PDZD2: variants seen among roughly 807,000 people sequenced by gnomAD.
PDZD2 encodes the protein PDZ domain-containing protein 2.
A neutral mutation model predicts 220.7 loss-of-function variants in PDZD2; 90 were observed. That is an observed-to-expected ratio of 0.41 (90% CI 0.34 to 0.49). The LOEUF (loss-of-function observed/expected upper bound fraction) is 0.49, where lower values mean the gene tolerates loss of function less well. PDZD2 is among the 20% of genes least tolerant of loss of function. The probability of loss-of-function intolerance (pLI) is 0.28; values close to 1 mark genes in which losing one functional copy is unlikely to be tolerated. For synonymous variants in PDZD2, 1,375 were observed against 1,450.5 expected (o/e 0.95, Z 1.18); for missense variants, 3,174 against 3,608.5 (o/e 0.88, Z 3.08).
At chr5:31,886,258 T>C (rs926211174) in intron 2 of PDZD2, among the ~76,000 whole-genome samples, 3 of 152,194 alleles carry the variant, frequency 2.0e-5, no homozygotes, top group African/African-American at 7.2e-5. Context: ...TCTTCCACAA[T>C]TAACAATGCA....
intron 1 of PDZD2, among the ~76,000 whole-genome samples, chr5:31,705,760 A>G (rs1222566061): frequency 6.6e-6 from 1 of 152,234 alleles, no homozygotes; most frequent in African/African-American, 2.4e-5. Flanking sequence ...TGTAAACTCT[A>G]TGAGAGGGGC....
chr5:31,648,266 C>A, intron 1 of PDZD2, among the ~76,000 whole-genome samples: 1 of 152,108 alleles, frequency 6.6e-6, no homozygotes, highest in Non-Finnish European at 1.5e-5. Flanking sequence ...GACTCATGTG[C>A]CCCACTGCCC....
intron 7 of PDZD2, among the ~76,000 whole-genome samples, chr5:32,043,806 T>C (rs1487457507): frequency 6.6e-6 from 1 of 152,008 alleles, no homozygotes; most frequent in Non-Finnish European, 1.5e-5. Flanking sequence ...TTTGTATTTT[T>C]AGTAGAGACG....
At chr5:31,847,667 T>C (rs988477870) in intron 2 of PDZD2, 3 of 611,490 alleles carry the variant, frequency 4.9e-6, no homozygotes, top group Non-Finnish European at 9.3e-6. Context: ...GTGGAAAGCA[T>C]TGATGGCCAG....
At chr5:31,903,162 T>C (rs896064863) in intron 2 of PDZD2, among the ~76,000 whole-genome samples, 1 of 151,716 alleles carries the variant, frequency 6.6e-6, no homozygotes, top group Admixed American at 6.6e-5. Context: ...GGCGTGGTAC[T>C]GCATGCCTGT....
At chr5:32,080,710 A>G (rs1235986555) in intron 19 of PDZD2, among the ~76,000 whole-genome samples, 2 of 152,202 alleles carry the variant, frequency 1.3e-5, no homozygotes, top group Admixed American at 6.5e-5. Context: ...AAAATGTAGT[A>G]CATATACACT....
chr5:32,022,899 C>T (rs1455461237), intron 6 of PDZD2, among the ~76,000 whole-genome samples: 1 of 152,040 alleles, frequency 6.6e-6, no homozygotes, highest in Non-Finnish European at 1.5e-5. Context: ...AGCAGCGTGG[C>T]AGAGGAGGAG....
chr5:31,747,641 T>C (rs1176449414), intron 1 of PDZD2: 1 of 152,360 alleles, frequency 6.6e-6, no homozygotes, highest in African/African-American at 2.4e-5. Flanking sequence ...TTGGGGGCTC[T>C]GGCCAGCTTC....
rs1244421640 is a variant in PDZD2, at chr5:32,089,487, C to T, written c.6039C>T (p.Cys2013=). 2 of 1,613,202 alleles carry T rather than the reference C, an allele frequency of 1.2e-6. No individual in the cohort carries two copies. Among genetic ancestry groups the T allele is most frequent in the Non-Finnish European group, 1.7e-6 (2 of 1,180,014 alleles). ...TCCTCTCTGAACCCGACAGAGGTTG[C>T]CCAACCACCCCTAAATCTCCTAAGT... ...MAVLSEPDRG[C]PTTPKSPKCR... is the part of the protein sequence containing the mutation. The change falls in exon 20 of 25, where the codon TGC becomes TGT. Residue 2013 remains cysteine (C), a synonymous_variant. Transcript: ENST00000438447.
chr5:31,662,081 T>C (rs1175625628), intron 1 of PDZD2, among the ~76,000 whole-genome samples: 1 of 151,798 alleles, frequency 6.6e-6, no homozygotes, highest in Non-Finnish European at 1.5e-5. Context: ...GAGTCTGAGG[T>C]GGGCAGATCA....
chr5:31,808,724 G>C (rs1754892351), intron 2 of PDZD2, among the ~76,000 whole-genome samples: 1 of 152,050 alleles, frequency 6.6e-6, no homozygotes, highest in African/African-American at 2.4e-5. Flanking sequence ...TGCCTGTAAT[G>C]CCAGCACTTG....
chr5:31,897,128 G>T (rs536542605), intron 2 of PDZD2, among the ~76,000 whole-genome samples: 2 of 151,820 alleles, frequency 1.3e-5, no homozygotes, highest in South Asian at 4.2e-4. Context: ...AAAAATAAAA[G>T]GTTAAACTAT....
chr5:32,083,331 C>T lies in PDZD2; in HGVS notation c.3683-3800C>T, dbSNP rs535375549. 2.6e-5 allele frequency: 4 copies of T among 152,300 alleles called. No individual in the cohort carries two copies. In the East Asian group the frequency reaches 7.7e-4, roughly 29 times the overall value. 9.4% of individuals were successfully genotyped at this position (152,300 alleles called of 1,614,324 possible). ...CTGCTCCTCAGCCCATGGGCCTGAC[C>T]TAGCAGGCTGTCCCTCGCACTGACC... On this transcript the variant is annotated intron_variant, in intron 19 of 24. Coordinates refer to ENST00000438447, the MANE Select transcript of PDZD2 (RefSeq NM_178140.4). This position sits in a 1 kb window ranked among gnomAD's most constrained non-coding sequence, Gnocchi z 4.1.
intron 2 of PDZD2, among the ~76,000 whole-genome samples, chr5:31,944,734 C>T (rs956525378): frequency 2.6e-5 from 4 of 152,022 alleles, no homozygotes; most frequent in South Asian, 2.1e-4. Flanking sequence ...GGGGTGGCAG[C>T]GTGTGCACGT....
intron 1 of PDZD2, among the ~76,000 whole-genome samples, chr5:31,764,644 ATGTCCACTTCATGC>A (rs1412739306): frequency 6.6e-6 from 1 of 152,182 alleles, no homozygotes; most frequent in African/African-American, 2.4e-5. Flanking sequence ...GTATTTTCCA[ATGTCCACTTCATGC>A]TGTCTCAGAC....
Position 31,658,171 on chromosome 5 carries a change from C to T in PDZD2, c.-361+18734C>T, listed in dbSNP as rs1007900374. ...ATCCACAGGCTGGCAGACAGGTGGA[C>T]GGACAGTCTTCAGGGCCCCAGTCAC... On this transcript the variant is annotated intron_variant, in intron 1 of 24. Transcript: ENST00000438447. Among the ~76,000 whole-genome samples the T allele has an allele frequency of 4.6e-5, 7 of 152,244 alleles. No individual in the cohort carries two copies. The South Asian group carries it at 8.3e-4, about 18-fold the overall frequency.
chr5:31,684,814 C>G (rs1038086556), intron 1 of PDZD2, among the ~76,000 whole-genome samples: 1 of 152,060 alleles, frequency 6.6e-6, no homozygotes, highest in African/African-American at 2.4e-5. Flanking sequence ...GAATGCTTTT[C>G]CCTTGTCCTA....
In PDZD2 at chr5:31,802,100, G is replaced by T. The variant is rs145357335; in HGVS notation, c.476+2376G>T. Among the ~76,000 whole-genome samples the T allele has an allele frequency of 8.5e-3, 1,289 of 152,264 alleles. 18 individuals are homozygous for T. Among genetic ancestry groups the T allele is most frequent in the African/African-American group, 0.029 (1,220 of 41,556 alleles). On this transcript the variant is annotated intron_variant, in intron 2 of 24. Coordinates refer to ENST00000438447, the MANE Select transcript of PDZD2 (RefSeq NM_178140.4). ...AATCTTTATTGAAGCTCTGAAGAAG[G>T]ATCACATGTGGTGTGATGGAGGGAG...
intron 2 of PDZD2, among the ~76,000 whole-genome samples, chr5:31,962,543 A>G (rs1269517703): frequency 6.6e-6 from 1 of 152,204 alleles, no homozygotes; most frequent in Non-Finnish European, 1.5e-5. Flanking sequence ...TGCCCTTGGC[A>G]GTGCAGTGTC....
Sources: gnomAD v4.1 joint callset for allele counts (sites outside exome capture counted in the v4.1 genomes callset) on GRCh38, gnomAD v4.1.1 for gene constraint, Gnocchi (gnomAD v3.1) non-coding constraint, MANE v1.5 for transcripts, NCBI Gene and HGNC (gene_info 2026-07-23, HGNC 2026-07-21) for gene names.